CRCP: variants seen among roughly 807,000 people sequenced by gnomAD.
The protein encoded by CRCP is CGRP receptor component.
Under a neutral mutation model 18.5 loss-of-function variants are expected in CRCP, and 18 were observed. The observed-to-expected ratio is 0.97, with a 90% CI of 0.67 to 1.44. The LOEUF (loss-of-function observed/expected upper bound fraction) is 1.44, where lower values mean the gene tolerates loss of function less well. Among genes scored for constraint, CRCP ranks in the 40% most tolerant of loss-of-function variants. CRCP has a pLI of 0.00. For synonymous variants in CRCP, 53 were observed against 62.9 expected (o/e 0.84, Z 0.75); for missense variants, 130 against 176.4 (o/e 0.74, Z 1.49).
rs781067936 is a variant in CRCP, at chr7:66,152,408, A to G, written c.*51A>G. 1.2e-5 allele frequency: 20 copies of G among 1,601,250 alleles called. No homozygotes were observed. The highest frequency in any genetic ancestry group is 1.7e-5 in the Admixed American group (1 of 59,038). On this transcript the variant is annotated 3_prime_UTR_variant, in exon 6 of 6. Coordinates refer to ENST00000395326, the MANE Select transcript of CRCP (RefSeq NM_014478.5). ...CATGAAGTCAGAAGGCCTGGCAGCC[A>G]TTTCCTGGACGTTGAGAGGATTGTT...
chr7:66,140,661 G>T (rs1788110016), intron 4 of CRCP, among the ~76,000 whole-genome samples: 1 of 152,196 alleles, frequency 6.6e-6, no homozygotes, highest in South Asian at 2.1e-4. Flanking sequence ...AAAGTGCTGG[G>T]ATTACAGGCA....
chr7:66,150,375 G>A (rs1210091378), intron 5 of CRCP, among the ~76,000 whole-genome samples: 2 of 35,552 alleles, frequency 5.6e-5, no homozygotes, highest in African/African-American at 2.5e-4. Flanking sequence ...GTTGAAGATT[G>A]TTTCTTTCTC....
rs1484766638 is a variant in CRCP at position 66,130,803 on chromosome 7, C to T, written c.105C>T (p.His35=). 1.2e-6 allele frequency: 2 copies of T among 1,608,660 alleles called. No homozygotes were observed. Among genetic ancestry groups the T allele is most frequent in the Non-Finnish European group, 1.7e-6 (2 of 1,175,326 alleles). ...EQRKESGKNK[H]SSGQQNLNTI... ...GTAAAGAAAGTGGAAAGAATAAACA[C>T]AGCTCTGGGCAACAGAACTTGAACA... The change falls in exon 3 of 6, where the codon CAC becomes CAT. Residue 35 remains histidine (H), a synonymous_variant. Transcript: ENST00000395326.
intron 5 of CRCP, among the ~76,000 whole-genome samples, chr7:66,146,002 C>T (rs316323): frequency 0.77 from 116,378 of 151,634 alleles, 44,866 homozygotes; most frequent in African/African-American, 0.82. Context: ...TTTCATCTCA[C>T]AGTCAGGGAG....
chr7:66,148,391 G>T (rs988638754), intron 5 of CRCP, among the ~76,000 whole-genome samples: 1 of 152,106 alleles, frequency 6.6e-6, no homozygotes, highest in Non-Finnish European at 1.5e-5. Context: ...GAAATAAAAG[G>T]TTTCACTTAC....
At position 66,154,404 on chromosome 7, in the gene CRCP, CTT is replaced by C. The variant is rs1233004903; in HGVS notation, c.*2051_*2052del. 1.3e-5 allele frequency: 2 copies of C among 151,686 alleles called. No homozygotes were observed. The highest frequency in any genetic ancestry group is 4.8e-5 in the African/African-American group (2 of 41,328). The allele number at this position is 151,686 out of a possible 1,614,324, so 9.4% of individuals were successfully genotyped here. A position where few individuals can be genotyped will look rare whatever the true frequency, so the allele number is the denominator to read the frequency against. ...ATTGGCCAGGCTAGTCGTAATGTCT[CTT>C]TTTAACACTGAATATGTTAGGTGGT... On this transcript the variant is annotated 3_prime_UTR_variant, in exon 6 of 6. Transcript: ENST00000395326.
At chr7:66,131,042 T>G (rs1787786877) in intron 3 of CRCP, among the ~76,000 whole-genome samples, 200 bp downstream of exon 3, 1 of 152,232 alleles carries the variant, frequency 6.6e-6, no homozygotes, top group Admixed American at 6.5e-5. Flanking sequence ...TGGTGTGATC[T>G]TCGCTCACTG....
At chr7:66,137,310 C>G (rs1788000681) in intron 4 of CRCP, among the ~76,000 whole-genome samples, 1 of 152,152 alleles carries the variant, frequency 6.6e-6, no homozygotes, top group South Asian at 2.1e-4. Context: ...ATCTTATGCC[C>G]TCCAGCCTTG....
chr7:66,118,134 C>T (rs1013399160), intron 1 of CRCP, among the ~76,000 whole-genome samples: 12 of 152,168 alleles, frequency 7.9e-5, no homozygotes, highest in African/African-American at 7.2e-5. Context: ...TGTGCCACCA[C>T]GCCCAGCTAA....
At chr7:66,118,242 C>G (rs1787332533) in intron 1 of CRCP, among the ~76,000 whole-genome samples, 1 of 152,224 alleles carries the variant, frequency 6.6e-6, no homozygotes, top group Admixed American at 6.5e-5. Flanking sequence ...TCCCAAAGTG[C>G]TGGGATTACA....
intron 5 of CRCP, among the ~76,000 whole-genome samples, chr7:66,149,374 C>T (rs772891299): frequency 1.3e-5 from 2 of 152,086 alleles, no homozygotes; most frequent in Non-Finnish European, 2.9e-5. Flanking sequence ...AAATAATTAG[C>T]TGGACATGGT....
chr7:66,130,965 C>T (rs1787783932), intron 3 of CRCP, 123 bp downstream of exon 3: 2 of 642,474 alleles, frequency 3.1e-6, no homozygotes, highest in East Asian at 2.6e-5. Context: ...TTATTCTAAC[C>T]TGATTTTTGT....
chr7:66,132,772 T>C (rs191813314), intron 3 of CRCP, among the ~76,000 whole-genome samples: 2 of 151,580 alleles, frequency 1.3e-5, no homozygotes, highest in Non-Finnish European at 3.0e-5. Flanking sequence ...TAGCCGGGCG[T>C]AGTGGCGGGC....
At chr7:66,147,354 A>G (rs889737108) in intron 5 of CRCP, among the ~76,000 whole-genome samples, 24 of 151,624 alleles carry the variant, frequency 1.6e-4, no homozygotes, top group Non-Finnish European at 3.1e-4. Flanking sequence ...AAAAAAAAAA[A>G]AAGAGTGCAT....
intron 4 of CRCP, among the ~76,000 whole-genome samples, chr7:66,137,008 G>A (rs1262018114): frequency 6.6e-6 from 1 of 151,888 alleles, no homozygotes; most frequent in Admixed American, 6.6e-5. Flanking sequence ...TTGAACCTGG[G>A]AGATGGAGGT....
rs1218796110 is a variant in CRCP at position 66,153,842 on chromosome 7, T to G, written c.*1485T>G. Reference sequence around the variant, plus strand: ...TTGGGAGGCGGAGGCTAGCGGATCATGAGGTCAGGAGTTCAAGACCAGCCT... The same window carrying G: ...TTGGGAGGCGGAGGCTAGCGGATCAGGAGGTCAGGAGTTCAAGACCAGCCT... On this transcript the variant is annotated 3_prime_UTR_variant, in exon 6 of 6. Transcript: ENST00000395326. 6.6e-6 allele frequency: 1 copy of G among 151,926 alleles called. No individual in the cohort carries two copies. Among genetic ancestry groups the G allele is most frequent in the Non-Finnish European group, 1.5e-5 (1 of 68,034 alleles). The allele number at this position is 151,926 out of a possible 1,614,324, so 9.4% of individuals were successfully genotyped here.
intron 5 of CRCP, among the ~76,000 whole-genome samples, chr7:66,151,671 CTCTGTGTGTGTGTG>C (rs1187280669): frequency 5.0e-5 from 2 of 40,270 alleles, no homozygotes; most frequent in Non-Finnish European, 8.9e-5. Flanking sequence ...CACCACTTCT[CTCTGTGTGTGTGTG>C]TGTGTGTGTG....
rs147723839 is a variant in CRCP at position 66,144,381 on chromosome 7, C to G, written c.240-1062C>G. Among the ~76,000 whole-genome samples, 39 of 152,232 alleles carry G rather than the reference C, an allele frequency of 2.6e-4. No individual in the cohort carries two copies. The East Asian group carries it at 7.3e-3, about 29-fold the overall frequency. On this transcript the variant is annotated intron_variant, in intron 4 of 5. Transcript: ENST00000395326. ...GTATTAACTCCTGCCCCTTTTAGTC[C>G]CTGTTTTGTTTACTAAGATAATAAG... is the stretch of plus-strand genomic sequence containing the variant.
At chr7:66,123,078 C>G (rs910419949) in intron 1 of CRCP, among the ~76,000 whole-genome samples, 3 of 151,610 alleles carry the variant, frequency 2.0e-5, no homozygotes, top group African/African-American at 7.3e-5. Context: ...CCTCAGCCTC[C>G]TGAGTAGCTG....
Sources: gnomAD v4.1 joint callset for allele counts (sites outside exome capture counted in the v4.1 genomes callset) on GRCh38, gnomAD v4.1.1 for gene constraint, MANE v1.5 for transcripts, NCBI Gene and HGNC (gene_info 2026-07-23, HGNC 2026-07-21) for gene names.